The following ASTN2 variants were observed in gnomAD, a reference collection of about 807,000 sequenced individuals.
ASTN2 encodes astrotactin 2, also known as astrotactin-2.
ASTN2 carries 54 observed loss-of-function variants against 139.8 expected under a neutral mutation model. The observed-to-expected ratio is 0.39, with a 90% confidence interval of 0.31 to 0.48. The LOEUF (loss-of-function observed/expected upper bound fraction) is 0.48. ASTN2 is among the 20% of genes least tolerant of loss of function. The pLI is 0.95. For missense variants in ASTN2, 1,565 were observed against 1,725.1 expected (o/e 0.91, Z 1.64); for synonymous variants, 756 against 719.5 (o/e 1.05, Z -0.81).
At chr9:117,115,256 C>G (rs534552004) in intron 4 of ASTN2, among the ~76,000 whole-genome samples, 27 of 152,284 alleles carry the variant, frequency 1.8e-4, no homozygotes, top group African/African-American at 6.5e-4. Context: ...ATGGCTCACA[C>G]CTGTAATCCC....
intron 13 of ASTN2, among the ~76,000 whole-genome samples, chr9:116,778,569 C>T (rs1413960448): frequency 6.6e-6 from 1 of 152,070 alleles, no homozygotes; most frequent in Admixed American, 6.5e-5. Context: ...GTGAGGAAAG[C>T]CATGAATAAA....
intron 11 of ASTN2, among the ~76,000 whole-genome samples, chr9:116,829,020 T>C (rs1831726401): frequency 6.6e-6 from 1 of 151,914 alleles, no homozygotes; most frequent in Non-Finnish European, 1.5e-5. Context: ...ATGACATAAA[T>C]ACACAGAGAA....
chr9:116,958,022 ATGT>A lies in ASTN2; in HGVS notation c.1889+17183_1889+17185del, dbSNP rs1835765440. ...TTTTGACAAGAACACCACAGACATG[ATGT>A]TGTGGCTTTCTCAGTGCATATCAGG... On this transcript the variant is annotated intron_variant, in intron 10 of 22. Coordinates refer to ENST00000313400, the MANE Select transcript of ASTN2 (RefSeq NM_001365068.1). 2.0e-5 allele frequency among the ~76,000 whole-genome samples: 3 copies of A among 152,230 alleles called. No homozygotes were observed. In the Middle Eastern group the frequency reaches 0.01, roughly 518 times the overall value.
intron 1 of ASTN2, among the ~76,000 whole-genome samples, chr9:117,308,357 C>G (rs533784060): frequency 6.6e-6 from 1 of 152,200 alleles, no homozygotes; most frequent in East Asian, 1.9e-4. Context: ...AACACACCCT[C>G]GAGGGACCTA....
chr9:117,155,196 T>C (rs1830405843), intron 3 of ASTN2, among the ~76,000 whole-genome samples: 1 of 152,040 alleles, frequency 6.6e-6, no homozygotes, highest in African/African-American at 2.4e-5. Context: ...TTCTTTTCCT[T>C]GTTTTGGCCC....
At chr9:117,070,797 C>A (rs935320297) in intron 5 of ASTN2, among the ~76,000 whole-genome samples, 2 of 151,804 alleles carry the variant, frequency 1.3e-5, no homozygotes, top group Non-Finnish European at 2.9e-5. Context: ...TCCAGTTGAT[C>A]GCATCGGCTC....
chr9:116,620,229 A>G, intron 18 of ASTN2, 81 bp downstream of exon 18: 1 of 1,597,952 alleles, frequency 6.3e-7, no homozygotes. Context: ...AGCAGAAGCA[A>G]GTCATGGCAT....
rs764061572 is a variant in ASTN2 at position 116,725,898 on chromosome 9, C to A, written c.2679G>T (p.Leu893=). 1.9e-6 allele frequency: 3 copies of A among 1,613,874 alleles called. No individual in the cohort carries two copies. The highest frequency in any genetic ancestry group is 2.5e-6 in the Non-Finnish European group (3 of 1,180,014). Reference sequence around the variant, plus strand: ...AGCCATAGTGCTGGATGAAGGACAGCAGCTCCTCCCGACTGCTCTCCTTGG... The same window carrying A: ...AGCCATAGTGCTGGATGAAGGACAGAAGCTCCTCCCGACTGCTCTCCTTGG... ...ILTKESSREE[L]LSFIQHYGSH... The change falls in exon 16 of 23, where the codon CTG becomes CTT. Residue 893 remains leucine, a synonymous_variant. Transcript: ENST00000313400.
intron 20 of ASTN2, among the ~76,000 whole-genome samples, chr9:116,450,898 C>T (rs1848154830): frequency 6.6e-6 from 1 of 152,192 alleles, no homozygotes; most frequent in African/African-American, 2.4e-5. Flanking sequence ...GTATTAAGGA[C>T]TCCCATCCTA....
intron 13 of ASTN2, among the ~76,000 whole-genome samples, chr9:116,795,445 A>G (rs1830665330): frequency 6.6e-6 from 1 of 152,250 alleles, no homozygotes; most frequent in African/African-American, 2.4e-5. Context: ...TCAGACAGAA[A>G]AAAAAGGATG....
intron 1 of ASTN2, among the ~76,000 whole-genome samples, chr9:117,334,738 G>A (rs1358004942): frequency 6.6e-6 from 1 of 152,070 alleles, no homozygotes; most frequent in Non-Finnish European, 1.5e-5. Context: ...CTTCCTGGAA[G>A]TTTTCCTGAT....
chr9:116,524,043 T>A (rs1301525464), intron 19 of ASTN2, among the ~76,000 whole-genome samples: 1 of 152,196 alleles, frequency 6.6e-6, no homozygotes, highest in Non-Finnish European at 1.5e-5. Context: ...CTTAGATGCT[T>A]AGATTTGGAC....
intron 1 of ASTN2, among the ~76,000 whole-genome samples, chr9:117,294,360 G>A (rs1477906645): frequency 6.6e-6 from 1 of 152,238 alleles, no homozygotes; most frequent in South Asian, 2.1e-4. Flanking sequence ...TTGAATCACA[G>A]AGAATAACTC....
intron 22 of ASTN2, among the ~76,000 whole-genome samples, chr9:116,439,009 C>G (rs933449332): frequency 4.6e-5 from 7 of 152,110 alleles, no homozygotes; most frequent in Admixed American, 2.0e-4. Flanking sequence ...TCTAACTAAT[C>G]TCCCTTTTGA....
intron 5 of ASTN2, among the ~76,000 whole-genome samples, chr9:117,063,081 A>G (rs1228093625): frequency 6.6e-6 from 1 of 152,206 alleles, no homozygotes; most frequent in Non-Finnish European, 1.5e-5. Flanking sequence ...TTTTTCTGGA[A>G]CAGTCTTGGA....
intron 10 of ASTN2, among the ~76,000 whole-genome samples, chr9:116,971,964 G>A (rs182951505): frequency 3.1e-3 from 467 of 152,256 alleles, no homozygotes; most frequent in Non-Finnish European, 4.9e-3. Context: ...CATAGCCTAT[G>A]CCCTCAGACA....
intron 2 of ASTN2, among the ~76,000 whole-genome samples, chr9:117,239,047 A>T (rs1833130727): frequency 6.6e-6 from 1 of 151,996 alleles, no homozygotes; most frequent in Non-Finnish European, 1.5e-5. Context: ...CAATGTAAAA[A>T]CTCAGGCCCA....
At chr9:117,102,884 T>C (rs527546116) in intron 4 of ASTN2, among the ~76,000 whole-genome samples, 105 of 88,790 alleles carry the variant, frequency 1.2e-3, no homozygotes, top group African/African-American at 5.9e-3. Context: ...AGAAACCAAC[T>C]TTTTTTTTTT....
rs571999880 is a variant in ASTN2 at position 117,166,579 on chromosome 9, C to T, written c.1016-25101G>A. On this transcript the variant is annotated intron_variant, in intron 3 of 22. Coordinates refer to ENST00000313400, the MANE Select transcript of ASTN2 (RefSeq NM_001365068.1). ...AGCCAAACCTAACGTCTCACAGCTCCTTCACATATAATTTTCTCTTTCACT... is the reference window on the plus strand; with the variant it reads ...AGCCAAACCTAACGTCTCACAGCTCTTTCACATATAATTTTCTCTTTCACT... Among the ~76,000 whole-genome samples the T allele has an allele frequency of 1.4e-4, 21 of 152,186 alleles. No homozygotes were observed. In the South Asian group the frequency reaches 4.2e-3, roughly 30 times the overall value.
Sources: gnomAD v4.1 joint callset for allele counts (sites outside exome capture counted in the v4.1 genomes callset) on GRCh38, gnomAD v4.1.1 for gene constraint, MANE v1.5 for transcripts, NCBI Gene and HGNC (gene_info 2026-07-23, HGNC 2026-07-21) for gene names.